COL5A3: variants seen among roughly 807,000 people sequenced by gnomAD.
The protein encoded by COL5A3 is collagen alpha-3(V) chain.
A neutral mutation model predicts 250.0 loss-of-function variants in COL5A3; 172 were observed. That is an observed-to-expected ratio of 0.69 (90% CI 0.61 to 0.78). The LOEUF (loss-of-function observed/expected upper bound fraction) is 0.78, where lower values mean the gene tolerates loss of function less well. Ranked by LOEUF, COL5A3 falls within the 30% of genes least tolerant of loss-of-function variation. The pLI is 0.00. For synonymous variants in COL5A3, 937 were observed against 900.4 expected, an observed-to-expected ratio of 1.04 and a Z score of -0.73; for missense variants, 2,340 against 2,334.4, an observed-to-expected ratio of 1.00 and a Z score of -0.05.
chr19:9,978,647 A>C lies in COL5A3; in HGVS notation c.2965-20T>G. 1 of 1,527,958 alleles carries C rather than the reference A, an allele frequency of 6.5e-7. No individual in the cohort carries two copies. Among genetic ancestry groups the C allele is most frequent in the Non-Finnish European group, 8.8e-7 (1 of 1,134,394 alleles). The allele number at this position is 1,527,958 out of a possible 1,614,324, so 94.7% of individuals were successfully genotyped here. ...AGGTCCCTGAAGGAGGAGATAATTC[A>C]CAGTTAAGAGACTCCCAAAGGTGTC... On this transcript the variant is annotated intron_variant, in intron 40 of 66. Coordinates refer to ENST00000264828, the MANE Select transcript of COL5A3 (RefSeq NM_015719.4).
At chr19:9,962,455 C>T (rs1480708224) in intron 65 of COL5A3, among the ~76,000 whole-genome samples, 7 of 152,162 alleles carry the variant, frequency 4.6e-5, no homozygotes, top group Non-Finnish European at 1.0e-4. Context: ...TGAGCCTTTG[C>T]ATATGCCTTT....
Position 9,968,249 on chromosome 19 carries a change from C to A in COL5A3, c.4314+136G>T. 1.0e-6 allele frequency: 1 copy of A among 989,856 alleles called. No individual in the cohort carries two copies. The highest frequency in any genetic ancestry group is 1.5e-5 in the South Asian group (1 of 68,032). The allele number at this position is 989,856 out of a possible 1,614,324, so 61.3% of individuals were successfully genotyped here. On this transcript the variant is annotated intron_variant, in intron 59 of 66. Coordinates refer to ENST00000264828, the MANE Select transcript of COL5A3 (RefSeq NM_015719.4). This position sits in a 1 kb window ranked among gnomAD's most constrained non-coding sequence, Gnocchi z 4.1. ...AGACGCAGCCTCCAACTTGCCAGTT[C>A]CCAGATACATCCCCCTATTTTCCCC... is the stretch of plus-strand genomic sequence containing the variant.
intron 64 of COL5A3, 69 bp from the exon 65 acceptor site, chr19:9,962,956 C>T (rs1363492438): frequency 1.7e-5 from 20 of 1,146,108 alleles, no homozygotes; most frequent in Non-Finnish European, 2.5e-5. Flanking sequence ...TCTGCATTTC[C>T]CTCCTCACAC....
intron 27 of COL5A3, among the ~76,000 whole-genome samples, chr19:9,988,864 T>TAAA (rs2087145012): frequency 8.0e-6 from 1 of 125,322 alleles, no homozygotes. Context: ...AAAAAGAAAG[T>TAAA]AAAGAAAAGA....
chr19:9,982,258 A>C, intron 31 of COL5A3, 140 bp from the exon 32 acceptor site: 1 of 594,316 alleles, frequency 1.7e-6, no homozygotes, highest in Non-Finnish European at 3.0e-6. Context: ...CCAGCCTCCT[A>C]CAAGGCAGCC....
chr19:10,009,755 T>C lies in COL5A3; in HGVS notation c.88+543A>G, dbSNP rs923531340. Among the ~76,000 whole-genome samples the C allele has an allele frequency of 6.6e-6, 1 of 151,796 alleles. No homozygotes were observed. Among genetic ancestry groups the C allele is most frequent in the Admixed American group, 6.6e-5 (1 of 15,226 alleles). ...CCCGAAGAGCACCCCCCAATACTTGTCCCCACCCACCTTCATCCTCATGGG... is the reference window on the plus strand; with the variant it reads ...CCCGAAGAGCACCCCCCAATACTTGCCCCCACCCACCTTCATCCTCATGGG... On this transcript the variant is annotated intron_variant, in intron 1 of 66. Transcript: ENST00000264828. This position sits in a 1 kb window ranked among gnomAD's most constrained non-coding sequence, Gnocchi z 4.4.
chr19:10,006,176 G>T lies in COL5A3; in HGVS notation c.144C>A (p.Pro48=). 6.2e-7 allele frequency: 1 copy of T among 1,608,334 alleles called. No individual in the cohort carries two copies. Among genetic ancestry groups the T allele is most frequent in the East Asian group, 2.2e-5 (1 of 44,732 alleles). ...LGVQGGQAGV[P]EGPGFCPQRT... ...TCTGGGGACAGAAGCCAGGCCCCTCGGGGACCCCAGCCTGGCCTCCCTGCA... is the reference window on the plus strand; with the variant it reads ...TCTGGGGACAGAAGCCAGGCCCCTCTGGGACCCCAGCCTGGCCTCCCTGCA... The change falls in exon 2 of 67, where the codon CCC becomes CCA. Residue 48 remains proline (P), a synonymous_variant. Transcript: ENST00000264828.
chr19:10,006,432 C>T (rs2087445258), intron 1 of COL5A3, among the ~76,000 whole-genome samples: 1 of 151,940 alleles, frequency 6.6e-6, no homozygotes, highest in Admixed American at 6.5e-5. Context: ...GATGTTCCGA[C>T]CTCAGCAGCT....
intron 11 of COL5A3, chr19:9,996,914 T>G (rs1599222856): frequency 8.5e-5 from 44 of 518,778 alleles, no homozygotes; most frequent in East Asian, 1.4e-4. Flanking sequence ...GAGAGAGGGA[T>G]GGAGAAGGAT....
chr19:10,007,261 C>T (rs2087457038), intron 1 of COL5A3, among the ~76,000 whole-genome samples: 1 of 152,142 alleles, frequency 6.6e-6, no homozygotes, highest in African/African-American at 2.4e-5. Context: ...CTGACTACCC[C>T]CTGACCTTCT....
chr19:9,983,714 G>A (rs571090216), intron 31 of COL5A3, among the ~76,000 whole-genome samples: 2 of 149,092 alleles, frequency 1.3e-5, no homozygotes, highest in African/African-American at 2.5e-5. Flanking sequence ...AAAAAAGAAG[G>A]AAAAGAAAAG....
chr19:10,010,231 C>A, intron 1 of COL5A3, 67 bp downstream of exon 1: 1 of 1,153,904 alleles, frequency 8.7e-7, no homozygotes, highest in Non-Finnish European at 1.1e-6. Context: ...CCCCCCTCCA[C>A]CCCTCGCTCT....
intron 31 of COL5A3, 122 bp downstream of exon 31, chr19:9,985,720 A>T: frequency 1.1e-6 from 1 of 870,376 alleles, no homozygotes; most frequent in Non-Finnish European, 1.8e-6. Flanking sequence ...CCCACATTTT[A>T]CATTCTCTCA....
chr19:9,989,517 G>A lies in COL5A3; in HGVS notation c.1998C>T (p.Pro666=). The change falls in exon 25 of 67, where the codon CCC becomes CCT. Residue 666 remains proline (P), a synonymous_variant. Coordinates refer to ENST00000264828, the MANE Select transcript of COL5A3 (RefSeq NM_015719.4). ...GGCCTGGAATTCCTGGGTTTCCAGG[G>A]GGACCCTGAAAGAAGATGAACAGCA... ...GLIGTPGEKG[P]PGNPGIPGLP... is the part of the protein sequence containing the mutation. The A allele has an allele frequency of 6.2e-7, 1 of 1,612,086 alleles. No individual in the cohort carries two copies. Among genetic ancestry groups the A allele is most frequent in the Non-Finnish European group, 8.5e-7 (1 of 1,178,962 alleles).
rs898547429 is a variant in COL5A3, at chr19:10,010,225, C to T, written c.88+73G>A. 7 of 1,114,554 alleles carry T rather than the reference C, an allele frequency of 6.3e-6. No homozygotes were observed. The African/African-American group carries it at 9.8e-5, about 16-fold the overall frequency. The allele number at this position is 1,114,554 out of a possible 1,614,324, so 69.0% of individuals were successfully genotyped here. ...CTTCCCCTCCACGCCCCTCCACCCC[C>T]CTCCACCCCTCGCTCTTTTAGAGCC... On this transcript the variant is annotated intron_variant, in intron 1 of 66. Transcript: ENST00000264828.
At chr19:10,007,094 C>A (rs1446614552) in intron 1 of COL5A3, among the ~76,000 whole-genome samples, 1 of 150,226 alleles carries the variant, frequency 6.7e-6, no homozygotes, top group Non-Finnish European at 1.5e-5. Context: ...TCCCCTCTAA[C>A]CTCCTCCCTC....
chr19:9,981,965 G>T, intron 32 of COL5A3, 100 bp downstream of exon 32: 2 of 898,342 alleles, frequency 2.2e-6, no homozygotes, highest in Admixed American at 1.8e-5. Context: ...TCCAGGCATA[G>T]ACACAAACAC....
At chr19:9,986,229 G>A (rs1307363475) in intron 30 of COL5A3, 86 bp downstream of exon 30, 9 of 939,214 alleles carry the variant, frequency 9.6e-6, no homozygotes, top group East Asian at 4.9e-5. Flanking sequence ...TCCTGAGGTC[G>A]AAGGTATAAT....
intron 18 of COL5A3, 37 bp from the exon 19 acceptor site, chr19:9,993,470 G>C: frequency 6.2e-7 from 1 of 1,611,232 alleles, no homozygotes; most frequent in South Asian, 1.1e-5. Flanking sequence ...GAGTGGAAGG[G>C]TGTGGGCGGA....
Sources: allele counts gnomAD v4.1 joint callset (sites outside exome capture counted in the v4.1 genomes callset), GRCh38; gene constraint gnomAD v4.1.1; non-coding constraint Gnocchi (gnomAD v3.1); transcripts MANE v1.5; gene names NCBI Gene and HGNC (gene_info 2026-07-23, HGNC 2026-07-21).